Variants in DIAPH2 observed in about 807,000 individuals in gnomAD.
DIAPH2 encodes protein diaphanous homolog 2.
DIAPH2 carries 35 observed loss-of-function variants against 92.7 expected under a neutral mutation model. The ratio of observed to expected loss-of-function variants is 0.38; its 90% CI spans 0.29 to 0.50. The LOEUF (loss-of-function observed/expected upper bound fraction) is 0.50, where lower values mean the gene tolerates loss of function less well. DIAPH2 is among the 20% of genes least tolerant of loss of function. DIAPH2 has a pLI of 0.94. For missense variants in DIAPH2, 701 were observed against 819.5 expected (o/e 0.86, Z 1.77); for synonymous variants, 301 against 280.4 (o/e 1.07, Z -0.73).
intron 24 of DIAPH2, among the ~76,000 whole-genome samples, chrX:97,365,577 A>G (rs1202964951): frequency 1.8e-5 from 2 of 111,205 alleles, no homozygotes; most frequent in African/African-American, 6.5e-5. Flanking sequence ...AACTCCATTT[A>G]GTGGCTACTT....
chrX:97,506,814 T>C (rs1321409593), intron 26 of DIAPH2, among the ~76,000 whole-genome samples: 1 of 111,492 alleles, frequency 9.0e-6, no homozygotes, highest in Non-Finnish European at 1.9e-5. Flanking sequence ...TCAACTATGC[T>C]ATCTTTGTTG....
chrX:97,391,666 C>G (rs1369782016), intron 25 of DIAPH2, among the ~76,000 whole-genome samples: 1 of 110,947 alleles, frequency 9.0e-6, no homozygotes, highest in Non-Finnish European at 1.9e-5. Context: ...AAACACTTCT[C>G]CCCCAACCTT....
chrX:97,119,911 C>T lies in DIAPH2; in HGVS notation c.2589+4946C>T, dbSNP rs2067043810. ...CCCACCATGCCCCCACTAACAGCAACGAGTCTGTTTCCAGGCAGTGGGCAA... is the reference window on the plus strand; with the variant it reads ...CCCACCATGCCCCCACTAACAGCAATGAGTCTGTTTCCAGGCAGTGGGCAA... On this transcript the variant is annotated intron_variant, in intron 21 of 26. Coordinates refer to ENST00000324765, the MANE Select transcript of DIAPH2 (RefSeq NM_006729.5). Among the ~76,000 whole-genome samples, 5 of 111,765 alleles carry T rather than the reference C, an allele frequency of 4.5e-5. No homozygotes were observed. The East Asian group carries it at 1.4e-3, about 32-fold the overall frequency.
intron 22 of DIAPH2, among the ~76,000 whole-genome samples, chrX:97,185,462 T>C (rs2067588960): frequency 6.2e-5 from 3 of 48,095 alleles, no homozygotes; most frequent in African/African-American, 1.1e-4. Flanking sequence ...TGTGTATATA[T>C]ATATATATAC....
At chrX:97,091,151 C>T (rs2066822115) in intron 19 of DIAPH2, among the ~76,000 whole-genome samples, 1 of 111,446 alleles carries the variant, frequency 9.0e-6, no homozygotes, top group South Asian at 3.8e-4. Flanking sequence ...CTGCTTTCCA[C>T]CTCCTGTTCC....
In DIAPH2 at chrX:97,377,992, T is replaced by TA. The variant is rs1214705584; in HGVS notation, c.3010-5906dup. 6.0e-3 allele frequency among the ~76,000 whole-genome samples: 630 copies of TA among 104,753 alleles called. 6 individuals carry two copies. The highest frequency in any genetic ancestry group is 0.021 in the African/African-American group (594 of 28,961). 91.0% of individuals were successfully genotyped at this position (104,753 alleles called of 115,157 possible). On this transcript the variant is annotated intron_variant, in intron 24 of 26. Coordinates refer to ENST00000324765, the MANE Select transcript of DIAPH2 (RefSeq NM_006729.5). ...CTAGCAAAAAAAAACCCAGAAAACT[T>TA]AAAAAAAAAAATCTAAAAGCACAGT...
chrX:97,019,730 T>C (rs538631764), intron 17 of DIAPH2, among the ~76,000 whole-genome samples: 1 of 109,734 alleles, frequency 9.1e-6, no homozygotes, highest in Admixed American at 9.8e-5. Context: ...CCTCTGAATA[T>C]GTAATAGGCA....
intron 22 of DIAPH2, among the ~76,000 whole-genome samples, chrX:97,153,062 G>A (rs1222663003): frequency 1.8e-5 from 2 of 111,575 alleles, no homozygotes; most frequent in Non-Finnish European, 3.8e-5. Context: ...TAACCTCTCA[G>A]TGCCTATTTC....
intron 3 of DIAPH2, among the ~76,000 whole-genome samples, chrX:96,753,604 T>C (rs1054886055): frequency 8.9e-6 from 1 of 112,224 alleles, no homozygotes; most frequent in Non-Finnish European, 1.9e-5. Context: ...TCGACTCTTA[T>C]CTCTAGTCAC....
intron 21 of DIAPH2, among the ~76,000 whole-genome samples, chrX:97,121,058 A>C (rs1452235518): frequency 8.9e-6 from 1 of 112,201 alleles, no homozygotes; most frequent in African/African-American, 3.2e-5. Flanking sequence ...TGCAGTGTCT[A>C]ATCATTTCTA....
chrX:97,311,764 C>A (rs1216408235), intron 23 of DIAPH2, among the ~76,000 whole-genome samples: 3 of 111,279 alleles, frequency 2.7e-5, no homozygotes, highest in African/African-American at 9.8e-5. Flanking sequence ...ATTTGTTAGT[C>A]CTACAAAGGC....
At chrX:97,306,962 A>C (rs972561098) in intron 23 of DIAPH2, among the ~76,000 whole-genome samples, 1 of 112,344 alleles carries the variant, frequency 8.9e-6, no homozygotes, top group Non-Finnish European at 1.9e-5. Flanking sequence ...GAATTGTTAC[A>C]TTTAATTGGA....
intron 19 of DIAPH2, among the ~76,000 whole-genome samples, chrX:97,083,077 T>C (rs760599351): frequency 1.8e-5 from 2 of 112,215 alleles, no homozygotes; most frequent in South Asian, 7.4e-4. Flanking sequence ...AAGGAATAAA[T>C]CTTTACATTC....
At chrX:96,997,527 T>TG (rs972989534) in intron 17 of DIAPH2, among the ~76,000 whole-genome samples, 5 of 111,761 alleles carry the variant, frequency 4.5e-5, no homozygotes, top group African/African-American at 1.6e-4. Context: ...CTTGGGTTTT[T>TG]GCCAAGATTT....
intron 23 of DIAPH2, among the ~76,000 whole-genome samples, chrX:97,273,058 G>A (rs2068403605): frequency 1.8e-5 from 2 of 111,988 alleles, no homozygotes; most frequent in Admixed American, 9.5e-5. Context: ...GGGAGGCTGA[G>A]GAAGGAGAAT....
intron 22 of DIAPH2, among the ~76,000 whole-genome samples, chrX:97,165,070 A>T (rs1399676268): frequency 8.9e-6 from 1 of 112,790 alleles, no homozygotes; most frequent in Non-Finnish European, 1.9e-5. Context: ...CACTTGTCAT[A>T]CAGTGGTGAT....
At chrX:96,948,048 C>A (rs780107681) in intron 14 of DIAPH2, among the ~76,000 whole-genome samples, 1 of 111,864 alleles carries the variant, frequency 8.9e-6, no homozygotes, top group South Asian at 3.7e-4. Flanking sequence ...TTTTGGTTAA[C>A]CATCTGAATG....
At chrX:97,072,652 G>T (rs1000724459) in intron 17 of DIAPH2, among the ~76,000 whole-genome samples, 3 of 111,961 alleles carry the variant, frequency 2.7e-5, no homozygotes, top group African/African-American at 6.5e-5. Flanking sequence ...TACTGCTGTA[G>T]GTACCTGGTA....
intron 26 of DIAPH2, among the ~76,000 whole-genome samples, chrX:97,590,103 C>T (rs938702377): frequency 4.5e-5 from 5 of 112,250 alleles, no homozygotes; most frequent in African/African-American, 1.3e-4. Flanking sequence ...TTTATAGACT[C>T]TTGCATTGTA....
Sources: allele counts gnomAD v4.1 joint callset (sites outside exome capture counted in the v4.1 genomes callset), GRCh38; gene constraint gnomAD v4.1.1; transcripts MANE v1.5; gene names NCBI Gene and HGNC (gene_info 2026-07-23, HGNC 2026-07-21).